SV2B: variants seen among roughly 807,000 people sequenced by gnomAD.
The protein encoded by SV2B is synaptic vesicle glycoprotein 2B.
A neutral mutation model predicts 73.9 loss-of-function variants in SV2B; 41 were observed. That is an observed-to-expected ratio of 0.56 (90% CI 0.43 to 0.72). The LOEUF (loss-of-function observed/expected upper bound fraction) is 0.72, where lower values mean the gene tolerates loss of function less well. SV2B is among the 30% of genes least tolerant of loss of function. The probability of loss-of-function intolerance (pLI) is 0.00; values close to 1 mark genes in which losing one functional copy is unlikely to be tolerated. For synonymous variants in SV2B, 314 were observed against 314.2 expected, an observed-to-expected ratio of 1.00 and a Z score of 0.01; for missense variants, 764 against 857.8, an observed-to-expected ratio of 0.89 and a Z score of 1.37.
At chr15:91,153,249 C>T (rs544443726) in intron 1 of SV2B, among the ~76,000 whole-genome samples, 17 of 152,330 alleles carry the variant, frequency 1.1e-4, no homozygotes, top group South Asian at 6.2e-4. Flanking sequence ...TAAGTTCCAA[C>T]GTATGACTTT....
intron 9 of SV2B, among the ~76,000 whole-genome samples, chr15:91,278,312 G>C (rs2048561066): frequency 6.6e-6 from 1 of 152,052 alleles, no homozygotes; most frequent in Non-Finnish European, 1.5e-5. Flanking sequence ...GCTCCTGGTG[G>C]TTAAGTTCTG....
At chr15:91,159,879 T>C (rs2043649030) in intron 1 of SV2B, among the ~76,000 whole-genome samples, 1 of 152,194 alleles carries the variant, frequency 6.6e-6, no homozygotes, top group East Asian at 1.9e-4. Flanking sequence ...TATAACTAAT[T>C]AGAAAATTTG....
chr15:91,127,392 A>G (rs2042516190), intron 1 of SV2B, among the ~76,000 whole-genome samples: 3 of 152,004 alleles, frequency 2.0e-5, no homozygotes, highest in African/African-American at 7.2e-5. Flanking sequence ...TGGCTGTTCC[A>G]GAACAAGCTC....
chr15:91,238,031 C>T (rs2046858711), intron 2 of SV2B, among the ~76,000 whole-genome samples: 1 of 152,196 alleles, frequency 6.6e-6, no homozygotes, highest in African/African-American at 2.4e-5. Flanking sequence ...TTTTCCTGTC[C>T]TGTGTTGCCA....
intron 1 of SV2B, among the ~76,000 whole-genome samples, chr15:91,131,154 T>G (rs2042633334): frequency 1.3e-5 from 2 of 148,558 alleles, no homozygotes; most frequent in African/African-American, 2.5e-5. Flanking sequence ...CTTGTTTTTT[T>G]TTTTTTTTTT....
upstream of SV2B, among the ~76,000 whole-genome samples, chr15:91,099,749 T>G (rs985794946): frequency 6.6e-6 from 1 of 152,166 alleles, no homozygotes; most frequent in Non-Finnish European, 1.5e-5. Context: ...AACAGCACCA[T>G]GATCGACGAT....
chr15:91,247,834 T>C (rs961986530), intron 2 of SV2B, among the ~76,000 whole-genome samples: 33 of 152,104 alleles, frequency 2.2e-4, no homozygotes, highest in African/African-American at 8.0e-4. Flanking sequence ...GTGGACCAAG[T>C]AAGGTCTAGG....
intron 1 of SV2B, among the ~76,000 whole-genome samples, chr15:91,201,258 G>A (rs911485372): frequency 3.3e-5 from 5 of 152,254 alleles, no homozygotes; most frequent in Admixed American, 3.3e-4. Context: ...TGTTACATCC[G>A]TTGGGAACCT....
At chr15:91,112,926 C>G (rs1366077944) in intron 1 of SV2B, among the ~76,000 whole-genome samples, 2 of 152,216 alleles carry the variant, frequency 1.3e-5, no homozygotes, top group African/African-American at 4.8e-5. Context: ...AAGAGACCCT[C>G]CCACCCCAGC....
Position 91,130,752 on chromosome 15 carries a change from G to A in SV2B, c.-392+30389G>A, listed in dbSNP as rs1008870358. 6.6e-6 allele frequency among the ~76,000 whole-genome samples: 1 copy of A among 152,194 alleles called. No homozygotes were observed. Among genetic ancestry groups the A allele is most frequent in the Non-Finnish European group, 1.5e-5 (1 of 68,036 alleles). On this transcript the variant is annotated intron_variant, in intron 1 of 12. Transcript: ENST00000394232. This position sits in a 1 kb window ranked among gnomAD's most constrained non-coding sequence, Gnocchi z 5.6. Reference sequence around the variant, plus strand: ...AAGAGGGGAGTGTGTGGCGGTGCACGGTTCAGTGAGTCCTTCAAGACGTTC... The same window carrying A: ...AAGAGGGGAGTGTGTGGCGGTGCACAGTTCAGTGAGTCCTTCAAGACGTTC...
In SV2B at chr15:91,289,578, A is replaced by G; in HGVS notation, c.1766A>G (p.Glu589Gly). The change falls in exon 12 of 13, where the codon GAG becomes GGG. Residue 589 changes from glutamate (E) to glycine (G), a missense_variant. Coordinates refer to ENST00000394232, the MANE Select transcript of SV2B (RefSeq NM_001323032.3). The surrounding 1 kb of genome is among the most constrained non-coding windows in gnomAD (Gnocchi z 4.9). ...CCFFLFFGNS[E>G]SAMIGWQCLF... ...TTCTTCCTGTTTTTTGGCAACAGTGAGTCTGCAATGATCGGCTGGCAGTGC... is the reference window on the plus strand; with the variant it reads ...TTCTTCCTGTTTTTTGGCAACAGTGGGTCTGCAATGATCGGCTGGCAGTGC... 6.2e-7 allele frequency: 1 copy of G among 1,614,176 alleles called. No individual in the cohort carries two copies. The highest frequency in any genetic ancestry group is 1.1e-5 in the South Asian group (1 of 91,082).
At position 91,197,643 on chromosome 15, in the gene SV2B, A is replaced by G. The variant is rs1470515561; in HGVS notation, c.-391-28230A>G. ...GTTATCCCTAGGAATACTATATAGC[A>G]GTTCAGCTACATTAATTACAACTCC... is the stretch of plus-strand genomic sequence containing the variant. On this transcript the variant is annotated intron_variant, in intron 1 of 12. Transcript: ENST00000394232. The surrounding 1 kb of genome is among the most constrained non-coding windows in gnomAD (Gnocchi z 4.9). Among the ~76,000 whole-genome samples the G allele has an allele frequency of 6.6e-6, 1 of 152,260 alleles. No homozygotes were observed. Among genetic ancestry groups the G allele is most frequent in the Admixed American group, 6.5e-5 (1 of 15,288 alleles).
rs1357592567 is a variant in SV2B at position 91,294,085 on chromosome 15, C to T, written c.*1533C>T. Reference sequence around the variant, plus strand: ...CTGCCCAGGCCGGATGAACATCAGCCTGCAAGAACTAGTTGTTTGAGTTGA... The same window carrying T: ...CTGCCCAGGCCGGATGAACATCAGCTTGCAAGAACTAGTTGTTTGAGTTGA... On this transcript the variant is annotated 3_prime_UTR_variant, in exon 13 of 13. Coordinates refer to ENST00000394232, the MANE Select transcript of SV2B (RefSeq NM_001323032.3). The surrounding 1 kb of genome is among the most constrained non-coding windows in gnomAD (Gnocchi z 4.1). 1 of 152,248 alleles carries T rather than the reference C, an allele frequency of 6.6e-6. No individual in the cohort carries two copies. Among genetic ancestry groups the T allele is most frequent in the Non-Finnish European group, 1.5e-5 (1 of 68,056 alleles). 9.4% of individuals were successfully genotyped at this position (152,248 alleles called of 1,614,324 possible). A position where few individuals can be genotyped will look rare whatever the true frequency, so the allele number is the denominator to read the frequency against.
intron 2 of SV2B, among the ~76,000 whole-genome samples, chr15:91,248,056 T>C (rs1182201346): frequency 6.6e-6 from 1 of 152,242 alleles, no homozygotes; most frequent in African/African-American, 2.4e-5. Flanking sequence ...AAGATCCTTG[T>C]CACGCCTGTA....
At chr15:91,185,075 G>T (rs1385502243) in intron 1 of SV2B, among the ~76,000 whole-genome samples, 3 of 152,132 alleles carry the variant, frequency 2.0e-5, no homozygotes, top group African/African-American at 7.2e-5. Context: ...TCAGTTAAAG[G>T]ACTTTTTCTT....
chr15:91,238,846 C>G (rs1445433738), intron 2 of SV2B, among the ~76,000 whole-genome samples: 1 of 152,104 alleles, frequency 6.6e-6, no homozygotes, highest in Non-Finnish European at 1.5e-5. Context: ...CAACAGAGCA[C>G]AAAGAATTTC....
chr15:91,292,382 G>T lies in SV2B; in HGVS notation c.1882G>T (p.Gly628Cys), dbSNP rs369020412. The change falls in exon 13 of 13, where the codon GGC becomes TGC. Residue 628 changes from glycine to cysteine, a missense_variant. Physicochemically the swap from Gly to Cys is radical, Grantham distance 159 (BLOSUM62 -3). Coordinates refer to ENST00000394232, the MANE Select transcript of SV2B (RefSeq NM_001323032.3). ...CCTCTTTTACAGAGCAACAGCCTTCGGCATTCTCAATGGATTATGCAAATT... is the reference window on the plus strand; with the variant it reads ...CCTCTTTTACAGAGCAACAGCCTTCTGCATTCTCAATGGATTATGCAAATT... ...YPTNQRATAF[G>C]ILNGLCKFGA... 1 of 1,613,716 alleles carries T rather than the reference G, an allele frequency of 6.2e-7. No individual in the cohort carries two copies. The highest frequency in any genetic ancestry group is 1.3e-5 in the African/African-American group (1 of 74,862).
intron 4 of SV2B, among the ~76,000 whole-genome samples, chr15:91,257,407 A>T (rs1411452327): frequency 1.3e-5 from 2 of 152,184 alleles, no homozygotes; most frequent in African/African-American, 4.8e-5. Context: ...TTTATTACTT[A>T]AAAGAGGGAA....
rs2046617224 is a variant in SV2B, at chr15:91,232,496, G to A, written c.451+5782G>A. 6.6e-6 allele frequency among the ~76,000 whole-genome samples: 1 copy of A among 152,182 alleles called. No individual in the cohort carries two copies. The highest frequency in any genetic ancestry group is 2.4e-5 in the African/African-American group (1 of 41,444). Reference sequence around the variant, plus strand: ...AGCTATGAAATATGCCTTTGAGGAAGGAGGTGATAAGATGGGGCCTGTGGT... The same window carrying A: ...AGCTATGAAATATGCCTTTGAGGAAAGAGGTGATAAGATGGGGCCTGTGGT... On this transcript the variant is annotated intron_variant, in intron 2 of 12. Coordinates refer to ENST00000394232, the MANE Select transcript of SV2B (RefSeq NM_001323032.3). The surrounding 1 kb of genome is among the most constrained non-coding windows in gnomAD (Gnocchi z 4.7).
Sources: allele counts gnomAD v4.1 joint callset (sites outside exome capture counted in the v4.1 genomes callset), GRCh38; gene constraint gnomAD v4.1.1; non-coding constraint Gnocchi (gnomAD v3.1); transcripts MANE v1.5; gene names NCBI Gene and HGNC (gene_info 2026-07-23, HGNC 2026-07-21).